Variants in SLC2A13 observed in about 807,000 individuals in gnomAD.
SLC2A13 encodes the protein proton myo-inositol cotransporter.
SLC2A13 carries 32 observed loss-of-function variants against 64.4 expected under a neutral mutation model. That is an observed-to-expected ratio of 0.50 (90% CI 0.37 to 0.67). The LOEUF is 0.67. Ranked by LOEUF, SLC2A13 falls within the 30% of genes least tolerant of loss-of-function variation. The pLI is 0.00. For missense variants in SLC2A13, 743 were observed against 829.2 expected, an observed-to-expected ratio of 0.90 and a Z score of 1.28; for synonymous variants, 338 against 327.1, an observed-to-expected ratio of 1.03 and a Z score of -0.36.
At chr12:39,928,953 C>T (rs1029862671) in intron 4 of SLC2A13, among the ~76,000 whole-genome samples, 6 of 152,124 alleles carry the variant, frequency 3.9e-5, no homozygotes, top group Non-Finnish European at 7.3e-5. Context: ...GATGCCTCCC[C>T]CAACTCCACT....
intron 1 of SLC2A13, among the ~76,000 whole-genome samples, chr12:40,050,941 T>C (rs951462617): frequency 2.0e-5 from 3 of 152,198 alleles, no homozygotes; most frequent in Non-Finnish European, 4.4e-5. Context: ...AGTAAAGCAC[T>C]TAAAATTGTG....
intron 4 of SLC2A13, among the ~76,000 whole-genome samples, chr12:39,921,661 T>C (rs2047027965): frequency 6.6e-6 from 1 of 152,150 alleles, no homozygotes; most frequent in African/African-American, 2.4e-5. Flanking sequence ...GATTTAGCCA[T>C]GAGGCAGCAT....
At chr12:39,812,887 T>A (rs1942226172) in intron 7 of SLC2A13, among the ~76,000 whole-genome samples, 1 of 141,038 alleles carries the variant, frequency 7.1e-6, no homozygotes, top group Non-Finnish European at 1.5e-5. Context: ...CAGGCTGGAG[T>A]GTAATGGTGT....
chr12:39,863,096 C>T (rs1193158415), intron 6 of SLC2A13, among the ~76,000 whole-genome samples: 1 of 152,050 alleles, frequency 6.6e-6, no homozygotes, highest in African/African-American at 2.4e-5. Flanking sequence ...CGAAGGACAC[C>T]TAAAATTTGG....
intron 4 of SLC2A13, among the ~76,000 whole-genome samples, chr12:39,876,239 C>T (rs1419160811): frequency 1.3e-5 from 2 of 152,144 alleles, no homozygotes; most frequent in Non-Finnish European, 2.9e-5. Flanking sequence ...CACTCAGCTT[C>T]CAGTCCTGAA....
At position 39,951,009 on chromosome 12, in the gene SLC2A13, G is replaced by T. The variant is rs1285065789; in HGVS notation, c.1034+248C>A. 1.2e-5 allele frequency: 5 copies of T among 413,100 alleles called. No homozygotes were observed. In the East Asian group the frequency reaches 1.4e-4, roughly 12 times the overall value. The allele number at this position is 413,100 out of a possible 1,614,324, so 25.6% of individuals were successfully genotyped here. A position where few individuals can be genotyped will look rare whatever the true frequency, so the allele number is the denominator to read the frequency against. On this transcript the variant is annotated intron_variant, in intron 4 of 9. Transcript: ENST00000280871. ...TCAGAATACAAGGAGGTATTGGATG[G>T]CGTAAAAGAGAAATTTTATGGAATC...
In SLC2A13 at chr12:40,027,537, G is replaced by A. The variant is rs575378987; in HGVS notation, c.925+764C>T. 5.9e-5 allele frequency among the ~76,000 whole-genome samples: 9 copies of A among 152,322 alleles called. No individual in the cohort carries two copies. In the South Asian group the frequency reaches 1.9e-3, roughly 32 times the overall value. On this transcript the variant is annotated intron_variant, in intron 3 of 9. Coordinates refer to ENST00000280871, the MANE Select transcript of SLC2A13 (RefSeq NM_052885.4). ...AAAAATGGTAGGAGAAAGTAGACTG[G>A]ACAGACCTTCTAACACCTGTGTAGA... is the stretch of plus-strand genomic sequence containing the variant.
chr12:40,085,205 T>TATGTATC (rs1938551190), intron 1 of SLC2A13, among the ~76,000 whole-genome samples: 1 of 152,236 alleles, frequency 6.6e-6, no homozygotes, highest in African/African-American at 2.4e-5. Context: ...AGTCTTGCCC[T>TATGTATC]ATGTATCTCT....
intron 6 of SLC2A13, among the ~76,000 whole-genome samples, chr12:39,846,883 A>G (rs1456929524): frequency 6.6e-6 from 1 of 152,176 alleles, no homozygotes; most frequent in East Asian, 1.9e-4. Flanking sequence ...AATGTTAACT[A>G]TATAATAAAT....
intron 1 of SLC2A13, among the ~76,000 whole-genome samples, chr12:40,065,871 T>C (rs2136260207): frequency 6.6e-6 from 1 of 152,344 alleles, no homozygotes; most frequent in Non-Finnish European, 1.5e-5. Context: ...AAATAGTTAT[T>C]GTTAGCCCCA....
chr12:39,934,504 A>C (rs1188872157), intron 4 of SLC2A13, among the ~76,000 whole-genome samples: 2 of 152,222 alleles, frequency 1.3e-5, no homozygotes, highest in Admixed American at 1.3e-4. Context: ...TTTAATGTGT[A>C]ATTTAACAAA....
intron 4 of SLC2A13, among the ~76,000 whole-genome samples, chr12:39,900,538 C>G (rs1380654619): frequency 3.6e-4 from 55 of 152,126 alleles, no homozygotes; most frequent in African/African-American, 1.2e-3. Context: ...TTCTTATACA[C>G]CAATAACAGA....
At chr12:39,953,275 G>A (rs765299571) in intron 3 of SLC2A13, among the ~76,000 whole-genome samples, 1 of 151,940 alleles carries the variant, frequency 6.6e-6, no homozygotes, top group Non-Finnish European at 1.5e-5. Context: ...TTTAAAATCT[G>A]GATTTTATAT....
Position 40,054,648 on chromosome 12 carries a change from G to C in SLC2A13, c.557-6438C>G, listed in dbSNP as rs544269432. Among the ~76,000 whole-genome samples, 7 of 152,268 alleles carry C rather than the reference G, an allele frequency of 4.6e-5. No individual in the cohort carries two copies. In the East Asian group the frequency reaches 1.4e-3, roughly 29 times the overall value. On this transcript the variant is annotated intron_variant, in intron 1 of 9. Transcript: ENST00000280871. ...GCATCTCAGACACTGCAGTGCGACC[G>C]GATTCACACACTACCACACTGCCAA... is the stretch of plus-strand genomic sequence containing the variant.
chr12:39,858,240 T>C (rs1253451752), intron 6 of SLC2A13, among the ~76,000 whole-genome samples: 1 of 152,202 alleles, frequency 6.6e-6, no homozygotes, highest in Non-Finnish European at 1.5e-5. Flanking sequence ...CAGGATGAGA[T>C]TTATGTGGAC....
chr12:39,996,575 G>T (rs1213892483), intron 3 of SLC2A13, among the ~76,000 whole-genome samples: 1 of 152,214 alleles, frequency 6.6e-6, no homozygotes, highest in East Asian at 1.9e-4. Flanking sequence ...GGAAAAAGTG[G>T]TTTTGTGGGC....
At chr12:39,996,462 G>A (rs188421283) in intron 3 of SLC2A13, among the ~76,000 whole-genome samples, 11 of 152,270 alleles carry the variant, frequency 7.2e-5, no homozygotes, top group African/African-American at 2.4e-4. Flanking sequence ...CATAAGTAAC[G>A]AGAAGCCAAA....
At chr12:40,084,277 T>C (rs917964155) in intron 1 of SLC2A13, among the ~76,000 whole-genome samples, 3 of 152,244 alleles carry the variant, frequency 2.0e-5, no homozygotes, top group Non-Finnish European at 2.9e-5. Context: ...CTCAAGTACT[T>C]ACCTGTGTGT....
rs28370800 is a variant in SLC2A13, at chr12:39,959,733, A to T, written c.926-8368T>A. Among the ~76,000 whole-genome samples, 375 of 152,276 alleles carry T rather than the reference A, an allele frequency of 2.5e-3. 1 individual carries two copies. Among genetic ancestry groups the T allele is most frequent in the South Asian group, 1.2e-3 (6 of 4,830 alleles). On this transcript the variant is annotated intron_variant, in intron 3 of 9. Transcript: ENST00000280871. Reference sequence around the variant, plus strand: ...AGTGTGGTATGTTGCTGAGGAAAAAATTACGAAGAATTACTGTTCTAGAAA... The same window carrying T: ...AGTGTGGTATGTTGCTGAGGAAAAATTTACGAAGAATTACTGTTCTAGAAA...
Sources: gnomAD v4.1 joint callset for allele counts (sites outside exome capture counted in the v4.1 genomes callset) on GRCh38, gnomAD v4.1.1 for gene constraint, MANE v1.5 for transcripts, NCBI Gene and HGNC (gene_info 2026-07-23, HGNC 2026-07-21) for gene names.